The following CPS1 variants were observed in gnomAD, a reference collection of about 807,000 sequenced individuals.
The protein encoded by CPS1 is carbamoyl-phosphate synthase [ammonia], mitochondrial.
Under a neutral mutation model 174.6 loss-of-function variants are expected in CPS1, and 109 were observed. That is an observed-to-expected ratio of 0.62 (90% CI 0.53 to 0.73). The LOEUF is 0.73. CPS1 is among the 30% of genes least tolerant of loss of function. The probability of loss-of-function intolerance (pLI) is 0.00; values close to 1 mark genes in which losing one functional copy is unlikely to be tolerated. For synonymous variants in CPS1, 637 were observed against 632.0 expected (o/e 1.01, Z -0.12); for missense variants, 1,689 against 1,821.9 (o/e 0.93, Z 1.33).
chr2:210,674,075 G>GA (rs1701418135), intron 34 of CPS1: 1 of 152,092 alleles, frequency 6.6e-6, no homozygotes, highest in South Asian at 2.1e-4. Flanking sequence ...CAGAGTAAAT[G>GA]AAAAAAGAGT....
chr2:210,508,885 T>C (rs1304384764), intron 1 of CPS1, among the ~76,000 whole-genome samples: 1 of 152,110 alleles, frequency 6.6e-6, no homozygotes, highest in Non-Finnish European at 1.5e-5. Flanking sequence ...GAGGCAATAA[T>C]TAATAGCTTA....
intron 1 of CPS1, among the ~76,000 whole-genome samples, chr2:210,547,319 G>A (rs1007414758): frequency 2.0e-5 from 3 of 152,064 alleles, no homozygotes; most frequent in Non-Finnish European, 4.4e-5. Context: ...TCTAAGCAGA[G>A]TTAGCTACAA....
chr2:210,585,771 G>T (rs770706488), intron 6 of CPS1, among the ~76,000 whole-genome samples: 2 of 151,758 alleles, frequency 1.3e-5, no homozygotes, highest in Non-Finnish European at 2.9e-5. Context: ...TTTTACATAT[G>T]CAGAGTAAGG....
intron 1 of CPS1, among the ~76,000 whole-genome samples, chr2:210,492,209 C>A (rs759689): frequency 0.78 from 118,555 of 152,190 alleles, 48,769 homozygotes; most frequent in South Asian, 0.91. Flanking sequence ...GCAGCATTTG[C>A]TGGCTGGAAA....
Position 210,600,624 on chromosome 2 carries a change from C to G in CPS1, c.1619C>G (p.Ser540Cys). Residue 540 changes from serine (S) to cysteine (C), a missense_variant, in exon 15 of 38, where the codon TCC becomes TGC. Ser to Cys is a moderately radical substitution (Grantham distance 112, BLOSUM62 -1). Coordinates refer to ENST00000233072, the MANE Select transcript of CPS1 (RefSeq NM_001875.5). ...AAAGTCCTGGGAACTTCAGTTGAGT[C>G]CATTATGGCTACGGAAGACAGGCAG... The part of the protein sequence containing the change: ...GVKVLGTSVE[S>C]IMATEDRQLF... The G allele has an allele frequency of 1.2e-6, 2 of 1,612,174 alleles. No individual in the cohort carries two copies. The highest frequency in any genetic ancestry group is 1.7e-6 in the Non-Finnish European group (2 of 1,178,818).
rs1574575327 is a variant in CPS1, at chr2:210,600,691, T to C, written c.1686T>C (p.Ala562=). The C allele has an allele frequency of 1.9e-6, 3 of 1,612,050 alleles. No individual in the cohort carries two copies. The highest frequency in any genetic ancestry group is 2.2e-5 in the South Asian group (2 of 91,040). The change falls in exon 15 of 38, where the codon GCT becomes GCC. Residue 562 remains alanine (A), a synonymous_variant. Coordinates refer to ENST00000233072, the MANE Select transcript of CPS1 (RefSeq NM_001875.5). The part of the protein sequence containing the change: ...DKLNEINEKI[A]PSFAVESIED... ...TAAATGAGATCAATGAAAAGATTGC[T>C]CCAAGTTTTGCAGTGGAATCGGTAA...
intron 1 of CPS1, among the ~76,000 whole-genome samples, chr2:210,494,770 T>A (rs895013628): frequency 6.6e-6 from 1 of 152,230 alleles, no homozygotes; most frequent in Non-Finnish European, 1.5e-5. Flanking sequence ...CACTGAAGTA[T>A]GCACTGCATA....
intron 21 of CPS1, chr2:210,631,207 G>T (rs1328871261): frequency 1.3e-5 from 2 of 152,094 alleles, no homozygotes; most frequent in Admixed American, 6.5e-5. Flanking sequence ...TGTGTGAAGT[G>T]CGCTGGCTCC....
chr2:210,606,157 A>G (rs1698900275), intron 17 of CPS1, among the ~76,000 whole-genome samples: 1 of 151,948 alleles, frequency 6.6e-6, no homozygotes, highest in African/African-American at 2.4e-5. Context: ...AAAAGGAATT[A>G]CATGGTATCA....
intron 19 of CPS1, 62 bp downstream of exon 19, chr2:210,608,621 A>G: frequency 6.5e-7 from 1 of 1,530,766 alleles, no homozygotes; most frequent in Non-Finnish European, 9.0e-7. Flanking sequence ...AATTTGTGAC[A>G]CCATTGACAG....
intron 21 of CPS1, among the ~76,000 whole-genome samples, chr2:210,635,560 G>T (rs1421413178): frequency 6.6e-6 from 1 of 152,022 alleles, no homozygotes; most frequent in Non-Finnish European, 1.5e-5. Flanking sequence ...CTAAATTTTT[G>T]GTCTTAAAAG....
intron 1 of CPS1, among the ~76,000 whole-genome samples, chr2:210,486,099 TATATACACACACACATACAC>T (rs1435555542): frequency 8.1e-6 from 1 of 124,222 alleles, no homozygotes; most frequent in African/African-American, 3.0e-5. Flanking sequence ...TATACATATA[TATATACACACACACATACAC>T]ACACACACAC....
intron 7 of CPS1, among the ~76,000 whole-genome samples, chr2:210,589,892 C>A (rs569553961): frequency 2.6e-5 from 4 of 151,954 alleles, no homozygotes; most frequent in East Asian, 2.0e-4. Context: ...TCAAGCAATT[C>A]CCCCCTATCT....
intron 1 of CPS1, among the ~76,000 whole-genome samples, chr2:210,563,136 G>A (rs1238358521): frequency 2.0e-5 from 3 of 152,034 alleles, no homozygotes; most frequent in South Asian, 2.1e-4. Flanking sequence ...TTGAAGTTTT[G>A]TTATTGTACT....
chr2:210,599,590 T>A (rs372985965), intron 14 of CPS1, 29 bp downstream of exon 14: 169 of 1,598,582 alleles, frequency 1.1e-4, no homozygotes, highest in Non-Finnish European at 1.4e-4. Context: ...AATTGCAGAG[T>A]TTTGACATAT....
chr2:210,659,466 G>A (rs1313713065), intron 31 of CPS1, among the ~76,000 whole-genome samples: 1 of 152,126 alleles, frequency 6.6e-6, no homozygotes, highest in Non-Finnish European at 1.5e-5. Flanking sequence ...TACCCCAACA[G>A]GATAGCATTA....
At chr2:210,510,355 T>C (rs532363198) in intron 1 of CPS1, among the ~76,000 whole-genome samples, 48 of 152,278 alleles carry the variant, frequency 3.2e-4, no homozygotes, top group African/African-American at 9.9e-4. Context: ...ATCCCTTCCT[T>C]ACACCTTATA....
intron 24 of CPS1, among the ~76,000 whole-genome samples, chr2:210,641,869 C>A (rs1045167163): frequency 6.6e-6 from 1 of 152,186 alleles, no homozygotes; most frequent in East Asian, 1.9e-4. Context: ...TCCCAGTAGA[C>A]GTGATATTTT....
At chr2:210,659,975 A>C (rs1467222241) in intron 31 of CPS1, among the ~76,000 whole-genome samples, 1 of 152,132 alleles carries the variant, frequency 6.6e-6, no homozygotes, top group Non-Finnish European at 1.5e-5. Context: ...TTACACATAG[A>C]TAGAACATCA....
Sources: gnomAD v4.1 joint callset for allele counts (sites outside exome capture counted in the v4.1 genomes callset) on GRCh38, gnomAD v4.1.1 for gene constraint, MANE v1.5 for transcripts, NCBI Gene and HGNC (gene_info 2026-07-23, HGNC 2026-07-21) for gene names.